DLGAP2: variants seen among roughly 807,000 people sequenced by gnomAD.
DLGAP2 encodes the protein DLG associated protein 2.
Under a neutral mutation model 100.3 loss-of-function variants are expected in DLGAP2, and 26 were observed. That is an observed-to-expected ratio of 0.26 (90% CI 0.19 to 0.36). The LOEUF (loss-of-function observed/expected upper bound fraction) is 0.36. DLGAP2 is among the 10% of genes least tolerant of loss of function. DLGAP2 has a pLI of 1.00. For synonymous variants in DLGAP2, 886 were observed against 630.1 expected (o/e 1.41, Z -6.08); for missense variants, 1,858 against 1,453.2 (o/e 1.28, Z -4.53).
chr8:877,627 G>T (rs1306149886), intron 1 of DLGAP2, among the ~76,000 whole-genome samples: 1 of 152,230 alleles, frequency 6.6e-6, no homozygotes, highest in East Asian at 1.9e-4. Context: ...TTTGACACAA[G>T]AAGGATCCTC....
chr8:1,321,156 T>G (rs1800890364), intron 3 of DLGAP2, among the ~76,000 whole-genome samples: 2 of 151,512 alleles, frequency 1.3e-5, no homozygotes, highest in Admixed American at 1.3e-4. Context: ...CATGCATCCG[T>G]GCCCGTATGT....
At chr8:753,785 T>G (rs1820851723) in intron 1 of DLGAP2, 1 of 152,246 alleles carries the variant, frequency 6.6e-6, no homozygotes, top group Non-Finnish European at 1.5e-5. Flanking sequence ...ATGAAATAGA[T>G]AAATACTTGT....
At chr8:1,531,147 C>T (rs1051978109) in intron 4 of DLGAP2, among the ~76,000 whole-genome samples, 1 of 151,916 alleles carries the variant, frequency 6.6e-6, no homozygotes, top group Admixed American at 6.6e-5. Flanking sequence ...ATTTTTGAAG[C>T]AACTTAAGTT....
At chr8:1,386,540 A>G (rs1304817946) in intron 3 of DLGAP2, among the ~76,000 whole-genome samples, 2 of 152,194 alleles carry the variant, frequency 1.3e-5, no homozygotes, top group Non-Finnish European at 2.9e-5. Context: ...GCACAGGCAC[A>G]CCACCGGCCA....
intron 6 of DLGAP2, among the ~76,000 whole-genome samples, chr8:1,598,497 G>T (rs984491569): frequency 7.2e-5 from 11 of 152,058 alleles, no homozygotes; most frequent in African/African-American, 1.4e-4. Context: ...CTGATCCTGG[G>T]CTTTTTTTTG....
intron 2 of DLGAP2, among the ~76,000 whole-genome samples, chr8:1,153,182 G>A (rs916152599): frequency 2.0e-5 from 3 of 152,132 alleles, no homozygotes; most frequent in African/African-American, 7.2e-5. Flanking sequence ...CAGGCTCCGA[G>A]CGGTGTGGCA....
chr8:1,276,633 T>G lies in DLGAP2; in HGVS notation c.106+17750T>G, dbSNP rs879324980. ...AAGGTGGTGCGTCTTGTGTCGGTGC[T>G]TTGACTTCCCAGCACACGTCCCCAG... On this transcript the variant is annotated intron_variant, in intron 3 of 14. Transcript: ENST00000637795. 6.0e-3 allele frequency among the ~76,000 whole-genome samples: 913 copies of G among 152,262 alleles called. 11 individuals carry two copies. The highest frequency in any genetic ancestry group is 0.032 in the Admixed American group (487 of 15,282).
chr8:1,265,333 T>C (rs1271157580), intron 3 of DLGAP2, among the ~76,000 whole-genome samples: 2 of 152,156 alleles, frequency 1.3e-5, no homozygotes, highest in African/African-American at 2.4e-5. Context: ...TGTGGATATA[T>C]TATTATAAAG....
At position 1,507,462 on chromosome 8, in the gene DLGAP2, C is replaced by G. The variant is rs368643039; in HGVS notation, c.172+6031C>G. Among the ~76,000 whole-genome samples, 3 of 152,284 alleles carry G rather than the reference C, an allele frequency of 2.0e-5. No individual in the cohort carries two copies. The East Asian group carries it at 5.8e-4, about 30-fold the overall frequency. On this transcript the variant is annotated intron_variant, in intron 4 of 14. Coordinates refer to ENST00000637795, the MANE Select transcript of DLGAP2 (RefSeq NM_001346810.2). ...GCTCCAAGTGCGGGGCCGCGGAGCC[C>G]GCGCCCACCCAGAACTCGCGCTGGC... is the stretch of plus-strand genomic sequence containing the variant.
Position 1,449,785 on chromosome 8 carries a change from G to A in DLGAP2, c.107-51581G>A, listed in dbSNP as rs189248999. 4.3e-4 allele frequency among the ~76,000 whole-genome samples: 64 copies of A among 148,878 alleles called. 2 individuals carry two copies. Among genetic ancestry groups the A allele is most frequent in the African/African-American group, 1.5e-3 (61 of 39,828 alleles). On this transcript the variant is annotated intron_variant, in intron 3 of 14. Transcript: ENST00000637795. ...CACCAAGGGCCGCAGAGAAGGAGCCGTGCTGCACTGGGCTGCCGTGAAGAC... is the reference window on the plus strand; with the variant it reads ...CACCAAGGGCCGCAGAGAAGGAGCCATGCTGCACTGGGCTGCCGTGAAGAC...
At chr8:909,743 A>T (rs935923302) in intron 2 of DLGAP2, among the ~76,000 whole-genome samples, 1 of 152,152 alleles carries the variant, frequency 6.6e-6, no homozygotes, top group Non-Finnish European at 1.5e-5. Context: ...GCTCCAGAGA[A>T]GAGAGAGGTG....
intron 3 of DLGAP2, among the ~76,000 whole-genome samples, chr8:1,350,246 T>G (rs1211459584): frequency 1.1e-5 from 1 of 89,868 alleles, no homozygotes; most frequent in Non-Finnish European, 2.2e-5. Flanking sequence ...GGAAAGGCCG[T>G]GCGGGTCCTG....
At chr8:1,491,759 A>C (rs1774174089) in intron 3 of DLGAP2, among the ~76,000 whole-genome samples, 1 of 152,260 alleles carries the variant, frequency 6.6e-6, no homozygotes, top group African/African-American at 2.4e-5. Context: ...TTAAATAAGA[A>C]ATAGTGTGCC....
intron 2 of DLGAP2, among the ~76,000 whole-genome samples, chr8:936,740 G>C (rs1799081529): frequency 6.6e-6 from 1 of 152,166 alleles, no homozygotes; most frequent in Non-Finnish European, 1.5e-5. Flanking sequence ...GTACAGCATG[G>C]AGGTGGCAGG....
At position 1,096,323 on chromosome 8, in the gene DLGAP2, G is replaced by C. The variant is rs143281963; in HGVS notation, c.74-162528G>C. Reference sequence around the variant, plus strand: ...GGAAACTTGGATGCAGGAGGTTTGTGTGTGGGCTCAGGGCACCAGCATTTA... The same window carrying C: ...GGAAACTTGGATGCAGGAGGTTTGTCTGTGGGCTCAGGGCACCAGCATTTA... On this transcript the variant is annotated intron_variant, in intron 2 of 14. Transcript: ENST00000637795. 7.4e-3 allele frequency among the ~76,000 whole-genome samples: 1,128 copies of C among 152,356 alleles called. 11 individuals are homozygous for C. The highest frequency in any genetic ancestry group is 0.025 in the African/African-American group (1,049 of 41,586).
In DLGAP2 at chr8:1,433,098, ACACGTCCC is replaced by A. The variant is rs535759433; in HGVS notation, c.107-68265_107-68258del. 4.6e-5 allele frequency among the ~76,000 whole-genome samples: 7 copies of A among 152,254 alleles called. No individual in the cohort carries two copies. In the South Asian group the frequency reaches 1.4e-3, roughly 32 times the overall value. ...GGCTTTGGGACTCCCTTGCCGAGCCACACGTCCCCAGTGTGTGGGTGGGAGTCAGCAGG... is the reference window on the plus strand; with the variant it reads ...GGCTTTGGGACTCCCTTGCCGAGCCACAGTGTGTGGGTGGGAGTCAGCAGG... On this transcript the variant is annotated intron_variant, in intron 3 of 14. Transcript: ENST00000637795.
chr8:1,374,636 G>T (rs953253282), intron 3 of DLGAP2, among the ~76,000 whole-genome samples: 1 of 152,162 alleles, frequency 6.6e-6, no homozygotes, highest in African/African-American at 2.4e-5. Context: ...CTCAATGTAG[G>T]AGTTAAAGAT....
chr8:1,050,564 G>A (rs768661812), intron 2 of DLGAP2, among the ~76,000 whole-genome samples: 3 of 152,144 alleles, frequency 2.0e-5, no homozygotes, highest in Non-Finnish European at 2.9e-5. Context: ...CCCATTATAA[G>A]CCAAGGAGCG....
At chr8:1,502,421 G>T (rs181326976) in intron 4 of DLGAP2, among the ~76,000 whole-genome samples, 31 of 152,266 alleles carry the variant, frequency 2.0e-4, no homozygotes, top group African/African-American at 7.2e-4. Flanking sequence ...TTTTGTTAAA[G>T]AAAACTACAG....
Sources: gnomAD v4.1 joint callset for allele counts (sites outside exome capture counted in the v4.1 genomes callset) on GRCh38, gnomAD v4.1.1 for gene constraint, MANE v1.5 for transcripts, NCBI Gene and HGNC (gene_info 2026-07-23, HGNC 2026-07-21) for gene names.